Variants in VGLL4 observed in about 807,000 individuals in gnomAD.
VGLL4 encodes vestigial like family member 4.
In VGLL4, 7 loss-of-function variants were observed where a neutral mutation model predicts 21.0. The observed-to-expected ratio is 0.33, with a 90% CI of 0.19 to 0.63. The LOEUF (loss-of-function observed/expected upper bound fraction) is 0.63. Among genes scored for constraint, VGLL4 ranks in the 20% least tolerant of loss-of-function variants. VGLL4 has a pLI of 0.78. For synonymous variants in VGLL4, 222 were observed against 173.2 expected, an observed-to-expected ratio of 1.28 and a Z score of -2.21; for missense variants, 394 against 425.7, an observed-to-expected ratio of 0.93 and a Z score of 0.66.
chr3:11,666,485 T>C (rs2076129111), intron 2 of VGLL4, among the ~76,000 whole-genome samples: 1 of 152,070 alleles, frequency 6.6e-6, no homozygotes, highest in Non-Finnish European at 1.5e-5. Context: ...GAGATGGAGT[T>C]AGAAACGGGA....
At chr3:11,680,977 C>G (rs888237507) in intron 2 of VGLL4, among the ~76,000 whole-genome samples, 2 of 152,266 alleles carry the variant, frequency 1.3e-5, no homozygotes, top group Non-Finnish European at 2.9e-5. Context: ...CCCCCGCCCC[C>G]ACGCCTCCCT....
chr3:11,584,131 G>A (rs948765661), intron 2 of VGLL4, among the ~76,000 whole-genome samples: 3 of 152,180 alleles, frequency 2.0e-5, no homozygotes, highest in African/African-American at 7.2e-5. Context: ...AGTAAATAAT[G>A]CTGAAAAGCA....
At chr3:11,643,381 TGAG>T (rs1490284483) in intron 1 of VGLL4, 53 bp downstream of exon 1, 28 of 1,612,862 alleles carry the variant, frequency 1.7e-5, no homozygotes, top group South Asian at 2.2e-5. Flanking sequence ...CCCAGCACAC[TGAG>T]GAGGAGTGGC....
At chr3:11,702,274 C>T (rs111393351) in intron 2 of VGLL4, among the ~76,000 whole-genome samples, 2 of 151,954 alleles carry the variant, frequency 1.3e-5, no homozygotes, top group African/African-American at 2.4e-5. Flanking sequence ...AAGGAAAGAA[C>T]GACCTACAAT....
chr3:11,683,020 G>C (rs1300271347), intron 2 of VGLL4, among the ~76,000 whole-genome samples: 2 of 152,040 alleles, frequency 1.3e-5, no homozygotes, highest in African/African-American at 4.8e-5. Context: ...CTGAGGTCAG[G>C]AGTTCAAGAC....
intron 3 of VGLL4, among the ~76,000 whole-genome samples, chr3:11,563,514 T>C (rs1464580141): frequency 6.6e-6 from 1 of 152,178 alleles, no homozygotes; most frequent in Non-Finnish European, 1.5e-5. Context: ...GACTGGGAGC[T>C]CCCTGTGGCC....
At chr3:11,702,908 T>A in intron 2 of VGLL4, 2 of 1,465,882 alleles carry the variant, frequency 1.4e-6, no homozygotes, top group Non-Finnish European at 1.8e-6. Flanking sequence ...AATTTTGTTA[T>A]GGAGCAGAAG....
intron 1 of VGLL4, among the ~76,000 whole-genome samples, chr3:11,602,561 C>A (rs968746834): frequency 6.6e-6 from 1 of 151,960 alleles, no homozygotes; most frequent in African/African-American, 2.4e-5. Context: ...ATAAATACAT[C>A]GTTTAATGGG....
chr3:11,624,353 C>A (rs961451637), intron 1 of VGLL4, among the ~76,000 whole-genome samples: 4 of 152,164 alleles, frequency 2.6e-5, no homozygotes, highest in African/African-American at 9.7e-5. Flanking sequence ...CATGGGAGAA[C>A]TGATGATGTA....
intron 2 of VGLL4, among the ~76,000 whole-genome samples, chr3:11,672,125 CAAG>C (rs748474718): frequency 6.6e-6 from 1 of 152,210 alleles, no homozygotes; most frequent in African/African-American, 2.4e-5. Flanking sequence ...AGGAAACCAA[CAAG>C]AAATTTTGTA....
In VGLL4 at chr3:11,587,651, G is replaced by A. The variant is rs182379642; in HGVS notation, c.272+14182C>T. Among the ~76,000 whole-genome samples, 103 of 152,350 alleles carry A rather than the reference G, an allele frequency of 6.8e-4. 1 individual carries two copies. Among genetic ancestry groups the A allele is most frequent in the African/African-American group, 2.4e-3 (100 of 41,576 alleles). ...TGTGTTTGCTTTTCTAGCAGAGTAT[G>A]AGCAAATCTGCACTTTGGGTCAATT... On this transcript the variant is annotated intron_variant, in intron 2 of 4. Transcript: ENST00000430365.
At chr3:11,636,632 T>A (rs1404061573) in intron 1 of VGLL4, among the ~76,000 whole-genome samples, 1 of 152,194 alleles carries the variant, frequency 6.6e-6, no homozygotes, top group African/African-American at 2.4e-5. Flanking sequence ...AATTGTTTAT[T>A]AATGCAGCAG....
intron 2 of VGLL4, among the ~76,000 whole-genome samples, chr3:11,573,297 AAG>A (rs2073889082): frequency 8.3e-5 from 1 of 12,078 alleles, no homozygotes. Flanking sequence ...GAAAGAAAGA[AAG>A]AAAGAAAGGA....
chr3:11,644,612 G>A (rs749840937), upstream of VGLL4, among the ~76,000 whole-genome samples: 26 of 152,010 alleles, frequency 1.7e-4, no homozygotes, highest in Non-Finnish European at 2.8e-4. Flanking sequence ...AATCCTAGTC[G>A]AAGCAGGCGG....
intron 2 of VGLL4, among the ~76,000 whole-genome samples, chr3:11,587,575 T>G (rs1329497903): frequency 6.6e-6 from 1 of 152,236 alleles, no homozygotes; most frequent in African/African-American, 2.4e-5. Context: ...CTTTGAGGAC[T>G]TTTTGGAAAA....
intron 1 of VGLL4, among the ~76,000 whole-genome samples, chr3:11,602,499 G>C (rs1365447851): frequency 6.6e-6 from 1 of 151,978 alleles, no homozygotes; most frequent in Non-Finnish European, 1.5e-5. Flanking sequence ...AAAGAATGAG[G>C]AAAGTGTGTG....
intron 1 of VGLL4, among the ~76,000 whole-genome samples, chr3:11,629,363 GAA>G (rs67261334): frequency 8.5e-4 from 126 of 147,452 alleles, no homozygotes; most frequent in Middle Eastern, 3.4e-3. Flanking sequence ...CATGTAGATT[GAA>G]AAAAAAAAAA....
At chr3:11,687,664 T>C (rs2076471051) in intron 2 of VGLL4, among the ~76,000 whole-genome samples, 1 of 152,190 alleles carries the variant, frequency 6.6e-6, no homozygotes, top group Non-Finnish European at 1.5e-5. Context: ...AAAGATAATA[T>C]TGATTTTTAC....
Position 11,675,352 on chromosome 3 carries a change from T to TA in VGLL4, c.64+27618dup, listed in dbSNP as rs71268439. On this transcript the variant is annotated intron_variant, in intron 2 of 5. Coordinates refer to the VGLL4 transcript ENST00000273038. ...CAGAGCAAGGCACTGTCTCAAAAAA[T>TA]AAAAAATAAAAAAATAAAAAAATGT... 7.0e-4 allele frequency among the ~76,000 whole-genome samples: 70 copies of TA among 100,464 alleles called. 1 individual carries two copies. Among genetic ancestry groups the TA allele is most frequent in the African/African-American group, 1.7e-3 (58 of 33,170 alleles). 65.9% of individuals were successfully genotyped at this position (100,464 alleles called of 152,430 possible).
Sources: gnomAD v4.1 joint callset for allele counts (sites outside exome capture counted in the v4.1 genomes callset) on GRCh38, gnomAD v4.1.1 for gene constraint, MANE v1.5 for transcripts, NCBI Gene and HGNC (gene_info 2026-07-23, HGNC 2026-07-21) for gene names.